Variants in MRPS9 observed in about 807,000 individuals in gnomAD.
MRPS9 encodes the protein small ribosomal subunit protein uS9m.
Under a neutral mutation model 59.9 loss-of-function variants are expected in MRPS9, and 45 were observed. The observed-to-expected ratio is 0.75, with a 90% CI of 0.59 to 0.96. The LOEUF is 0.96. Ranked by LOEUF, MRPS9 falls within the 40% of genes least tolerant of loss-of-function variation. The pLI, the probability that MRPS9 is intolerant of heterozygous loss-of-function variation, is 0.00. For synonymous variants in MRPS9, 171 were observed against 166.8 expected (o/e 1.03, Z -0.19); for missense variants, 473 against 481.1 (o/e 0.98, Z 0.16).
At chr2:105,079,543 A>G (rs1248735578) in intron 4 of MRPS9, among the ~76,000 whole-genome samples, 3 of 152,094 alleles carry the variant, frequency 2.0e-5, no homozygotes, top group Non-Finnish European at 2.9e-5. Flanking sequence ...AGAAAAATAC[A>G]TTCTTTAGTT....
At chr2:105,073,780 T>G (rs1335826341) in intron 4 of MRPS9, among the ~76,000 whole-genome samples, 13 of 152,220 alleles carry the variant, frequency 8.5e-5, no homozygotes, top group Admixed American at 8.5e-4. Context: ...TTAATTTATG[T>G]TGATAAAACC....
At chr2:105,047,100 A>G (rs563111596) in intron 1 of MRPS9, among the ~76,000 whole-genome samples, 2 of 152,160 alleles carry the variant, frequency 1.3e-5, no homozygotes, top group African/African-American at 4.8e-5. Context: ...AGGGGTGTAC[A>G]GACAGGCTGT....
At chr2:105,088,814 A>G (rs538474231) in intron 5 of MRPS9, among the ~76,000 whole-genome samples, 170 bp from the exon 6 acceptor site, 21 of 152,126 alleles carry the variant, frequency 1.4e-4, no homozygotes, top group Non-Finnish European at 2.5e-4. Context: ...TTTAAATGAG[A>G]AATAGTATTA....
At chr2:105,058,141 G>A (rs1679829140) in intron 2 of MRPS9, among the ~76,000 whole-genome samples, 1 of 152,156 alleles carries the variant, frequency 6.6e-6, no homozygotes, top group Non-Finnish European at 1.5e-5. Flanking sequence ...CACTTCTAAT[G>A]AACAGAGTCG....
At chr2:105,040,197 T>TA (rs1679478256) in intron 1 of MRPS9, among the ~76,000 whole-genome samples, 1 of 152,218 alleles carries the variant, frequency 6.6e-6, no homozygotes, top group African/African-American at 2.4e-5. Context: ...TTATCTGTCT[T>TA]AAACATTAAC....
chr2:105,066,142 T>C (rs1679996287), intron 2 of MRPS9, among the ~76,000 whole-genome samples: 1 of 152,218 alleles, frequency 6.6e-6, no homozygotes, highest in Admixed American at 6.5e-5. Flanking sequence ...TTATTTCCTA[T>C]TCCCTCTTTT....
At chr2:105,057,299 T>G (rs1679808123) in intron 2 of MRPS9, among the ~76,000 whole-genome samples, 1 of 152,218 alleles carries the variant, frequency 6.6e-6, no homozygotes, top group Non-Finnish European at 1.5e-5. Flanking sequence ...GCTAAATATT[T>G]AGCAAATAGA....
At chr2:105,040,607 A>G (rs1348369083) in intron 1 of MRPS9, among the ~76,000 whole-genome samples, 2 of 152,140 alleles carry the variant, frequency 1.3e-5, no homozygotes, top group Non-Finnish European at 2.9e-5. Flanking sequence ...CTAGCAGACT[A>G]CCTCTTGCAT....
chr2:105,075,141 A>G (rs888715402), intron 4 of MRPS9, among the ~76,000 whole-genome samples: 9 of 152,176 alleles, frequency 5.9e-5, no homozygotes, highest in African/African-American at 2.2e-4. Flanking sequence ...AATAGGGTTC[A>G]CGCTCCTATG....
At position 105,080,060 on chromosome 2, in the gene MRPS9, C is replaced by A; in HGVS notation, c.487C>A (p.His163Asn). The change falls in exon 5 of 11, where the codon CAT becomes AAT. Residue 163 changes from histidine to asparagine, a missense_variant and splice_region_variant. His to Asn is a moderately conservative substitution (Grantham distance 68, BLOSUM62 1). Coordinates refer to ENST00000258455, the MANE Select transcript of MRPS9 (RefSeq NM_182640.3). ...TGKQSYYSLM[H>N]DVYGMLLNLE... ...CAAACAGTCATACTATTCATTAATG[C>A]ATGTAAGTATATTGCATTTATGATA... is the stretch of plus-strand genomic sequence containing the variant. The A allele has an allele frequency of 6.3e-7, 1 of 1,589,878 alleles. No homozygotes were observed. The highest frequency in any genetic ancestry group is 8.6e-7 in the Non-Finnish European group (1 of 1,161,304).
intron 2 of MRPS9, among the ~76,000 whole-genome samples, chr2:105,059,311 A>T (rs1291759572): frequency 2.6e-5 from 4 of 152,142 alleles, no homozygotes; most frequent in Non-Finnish European, 5.9e-5. Flanking sequence ...AGATTAGGAC[A>T]TCGGCAACCT....
At chr2:105,057,078 A>C (rs1257113231) in intron 2 of MRPS9, among the ~76,000 whole-genome samples, 2 of 152,212 alleles carry the variant, frequency 1.3e-5, no homozygotes, top group Non-Finnish European at 2.9e-5. Context: ...AGTAATTGGC[A>C]GGTATAGAAT....
chr2:105,081,392 A>G (rs1680339479), intron 5 of MRPS9, among the ~76,000 whole-genome samples: 2 of 152,220 alleles, frequency 1.3e-5, no homozygotes, highest in African/African-American at 2.4e-5. Flanking sequence ...CGGTTGTAGC[A>G]TTGCCTTTAG....
At chr2:105,089,506 A>G (rs772603470) in intron 6 of MRPS9, among the ~76,000 whole-genome samples, 3 of 152,232 alleles carry the variant, frequency 2.0e-5, no homozygotes, top group Non-Finnish European at 4.4e-5. Context: ...GATTTCTTCC[A>G]TAAAGGAAGA....
chr2:105,096,208 G>A lies in MRPS9; in HGVS notation c.930-947G>A, dbSNP rs1425371989. Among the ~76,000 whole-genome samples, 3 of 152,014 alleles carry A rather than the reference G, an allele frequency of 2.0e-5. No individual in the cohort carries two copies. In the East Asian group the frequency reaches 5.8e-4, roughly 29 times the overall value. On this transcript the variant is annotated intron_variant, in intron 9 of 10. Transcript: ENST00000258455. ...TGTGATTATTTTACTAGTGTGGTAT[G>A]AAGAATAGCACTTGAATGTCCTGTC...
chr2:105,092,474 A>C lies in MRPS9; in HGVS notation c.725A>C (p.Gln242Pro). Reference protein sequence around the residue: ...QCGAAEEEFVQRFRRSVTLES... With the variant: ...QCGAAEEEFVPRFRRSVTLES... ...GGTGCTGCTGAGGAAGAATTTGTGC[A>C]GAGGTTTCGAAGAAGTGTAACTCTT... Residue 242 changes from glutamine (Q) to proline (P), a missense_variant, in exon 8 of 11, where the codon CAG becomes CCG. By Grantham distance (76) the Gln-to-Pro change is moderately conservative. Coordinates refer to ENST00000258455, the MANE Select transcript of MRPS9 (RefSeq NM_182640.3). The C allele has an allele frequency of 6.2e-7, 1 of 1,614,024 alleles. No individual in the cohort carries two copies. The highest frequency in any genetic ancestry group is 8.5e-7 in the Non-Finnish European group (1 of 1,179,956).
chr2:105,041,745 A>G (rs549552597), intron 1 of MRPS9, among the ~76,000 whole-genome samples: 1 of 152,216 alleles, frequency 6.6e-6, no homozygotes, highest in African/African-American at 2.4e-5. Flanking sequence ...TAATTTTTGA[A>G]TATATTTATT....
chr2:105,047,644 G>C (rs575190286), intron 1 of MRPS9, among the ~76,000 whole-genome samples: 1 of 152,198 alleles, frequency 6.6e-6, no homozygotes, highest in East Asian at 1.9e-4. Context: ...TGAAGGTTGA[G>C]AACTACAGGT....
intron 4 of MRPS9, among the ~76,000 whole-genome samples, chr2:105,072,668 T>C (rs1360336684): frequency 6.6e-6 from 1 of 152,170 alleles, no homozygotes; most frequent in African/African-American, 2.4e-5. Context: ...GCAGGCCGCT[T>C]TATCAGTGTG....
Sources: allele counts gnomAD v4.1 joint callset (sites outside exome capture counted in the v4.1 genomes callset), GRCh38; gene constraint gnomAD v4.1.1; transcripts MANE v1.5; gene names NCBI Gene and HGNC (gene_info 2026-07-23, HGNC 2026-07-21).